Variants in CALD1 observed in about 807,000 individuals in gnomAD.
CALD1 encodes caldesmon.
Under a neutral mutation model 99.9 loss-of-function variants are expected in CALD1, and 33 were observed. The observed-to-expected ratio is 0.33, with a 90% CI of 0.25 to 0.44. The LOEUF is 0.44. Among genes scored for constraint, CALD1 ranks in the 20% least tolerant of loss-of-function variants. The probability of loss-of-function intolerance (pLI) is 1.00; values close to 1 mark genes in which losing one functional copy is unlikely to be tolerated. For synonymous variants in CALD1, 310 were observed against 325.0 expected, an observed-to-expected ratio of 0.95 and a Z score of 0.50; for missense variants, 861 against 962.1, an observed-to-expected ratio of 0.89 and a Z score of 1.39.
chr7:134,763,216 A>C (rs1796794311), intron 1 of CALD1, among the ~76,000 whole-genome samples: 1 of 152,254 alleles, frequency 6.6e-6, no homozygotes, highest in Admixed American at 6.5e-5. Context: ...ATTTAGAGAT[A>C]GTCTTTCTAA....
At chr7:134,923,637 C>T (rs1345453971) in intron 3 of CALD1, among the ~76,000 whole-genome samples, 2 of 152,110 alleles carry the variant, frequency 1.3e-5, no homozygotes, top group Admixed American at 6.5e-5. Flanking sequence ...TTAAATCTGG[C>T]GTGTGGAAAA....
chr7:134,938,319 C>T (rs1415871055), intron 6 of CALD1, among the ~76,000 whole-genome samples: 1 of 152,148 alleles, frequency 6.6e-6, no homozygotes, highest in Non-Finnish European at 1.5e-5. Flanking sequence ...TTCTTGCTTG[C>T]TTGACTTTCT....
intron 5 of CALD1, 143 bp downstream of exon 5, chr7:134,934,220 C>A: frequency 8.0e-7 from 1 of 1,252,988 alleles, no homozygotes; most frequent in Non-Finnish European, 1.1e-6. Context: ...CAGGCCATAG[C>A]GATACACAAG....
At chr7:134,937,171 T>A (rs1455384600) in intron 6 of CALD1, among the ~76,000 whole-genome samples, 1 of 152,206 alleles carries the variant, frequency 6.6e-6, no homozygotes, top group Non-Finnish European at 1.5e-5. Context: ...TAAAATTTCA[T>A]TCAGTTCACT....
chr7:134,917,260 G>A (rs1202275775), intron 3 of CALD1, among the ~76,000 whole-genome samples: 1 of 152,164 alleles, frequency 6.6e-6, no homozygotes, highest in African/African-American at 2.4e-5. Context: ...GATAATAGCA[G>A]TCAAAGAACA....
At chr7:134,935,997 G>T (rs1805941355) in intron 6 of CALD1, among the ~76,000 whole-genome samples, 1 of 152,354 alleles carries the variant, frequency 6.6e-6, no homozygotes, top group African/African-American at 2.4e-5. Flanking sequence ...AGAGGGCATT[G>T]TAGGTAGTAA....
chr7:134,779,727 G>A lies in CALD1; in HGVS notation c.-152G>A, dbSNP rs143191813. 859 of 398,512 alleles carry A rather than the reference G, an allele frequency of 2.2e-3. 7 individuals are homozygous for A. The highest frequency in any genetic ancestry group is 0.016 in the African/African-American group (779 of 48,690). 24.7% of individuals were successfully genotyped at this position (398,512 alleles called of 1,614,324 possible). A position where few individuals can be genotyped will look rare whatever the true frequency, so the allele number is the denominator to read the frequency against. ...GTCCTTCCTTTCCGACTTAGTCCTC[G>A]GGAAGAAGTTTCAGACTACAAGGTA... On this transcript the variant is annotated 5_prime_UTR_variant, in exon 1 of 15. Transcript: ENST00000361675.
intron 3 of CALD1, among the ~76,000 whole-genome samples, chr7:134,869,581 A>G (rs1800967710): frequency 6.6e-6 from 1 of 152,192 alleles, no homozygotes; most frequent in Admixed American, 6.5e-5. Context: ...CAAAGAATAT[A>G]CATCTGAGGA....
rs562316110 is a variant in CALD1 at position 134,819,031 on chromosome 7, G to C, written c.-129-24853G>C. On this transcript the variant is annotated intron_variant, in intron 1 of 14. Coordinates refer to ENST00000361675, the MANE Select transcript of CALD1 (RefSeq NM_033138.4). Reference sequence around the variant, plus strand: ...ACGCTAAACCAGATCCAAAATCCCAGACTAATTTCCTCTCCTCTTTCCTCT... The same window carrying C: ...ACGCTAAACCAGATCCAAAATCCCACACTAATTTCCTCTCCTCTTTCCTCT... 3.3e-5 allele frequency among the ~76,000 whole-genome samples: 5 copies of C among 152,154 alleles called. No homozygotes were observed. The South Asian group carries it at 6.2e-4, about 19-fold the overall frequency.
At chr7:134,955,222 T>G (rs940990318) in intron 9 of CALD1, among the ~76,000 whole-genome samples, 4 of 152,110 alleles carry the variant, frequency 2.6e-5, no homozygotes, top group African/African-American at 9.7e-5. Context: ...AAATCCCATC[T>G]CTACTGAAAA....
At chr7:134,918,119 A>G (rs1804350489) in intron 3 of CALD1, among the ~76,000 whole-genome samples, 1 of 152,240 alleles carries the variant, frequency 6.6e-6, no homozygotes, top group Admixed American at 6.5e-5. Flanking sequence ...TCATGGACTT[A>G]TCCTTCCAAA....
intron 9 of CALD1, among the ~76,000 whole-genome samples, chr7:134,957,826 AT>A (rs200354951): frequency 1.4e-3 from 206 of 144,690 alleles, no homozygotes; most frequent in East Asian, 5.0e-3. Context: ...TGAAAACTTG[AT>A]TTTTTTTTTT....
At chr7:134,823,870 CAAAG>C (rs1230609932) in intron 1 of CALD1, among the ~76,000 whole-genome samples, 1 of 152,090 alleles carries the variant, frequency 6.6e-6, no homozygotes, top group South Asian at 2.1e-4. Context: ...AGCCATCTGA[CAAAG>C]AAAGAAAAGT....
chr7:134,947,064 G>A (rs2133116324), intron 7 of CALD1, among the ~76,000 whole-genome samples: 1 of 152,238 alleles, frequency 6.6e-6, no homozygotes, highest in Non-Finnish European at 1.5e-5. Flanking sequence ...CTGCTATGAT[G>A]GACACTTGGG....
intron 11 of CALD1, among the ~76,000 whole-genome samples, chr7:134,958,595 G>A (rs1050922171): frequency 4.0e-5 from 6 of 151,346 alleles, no homozygotes; most frequent in Admixed American, 6.6e-5. Context: ...TAGTAGAGAC[G>A]GAGTTTCACC....
At chr7:134,916,158 A>G (rs1206197696) in intron 3 of CALD1, among the ~76,000 whole-genome samples, 1 of 152,194 alleles carries the variant, frequency 6.6e-6, no homozygotes, top group Non-Finnish European at 1.5e-5. Context: ...TGGGGGTATG[A>G]GCCAACTGGA....
chr7:134,831,283 A>G (rs112050052), intron 1 of CALD1, among the ~76,000 whole-genome samples: 2,158 of 152,240 alleles, frequency 0.014, 39 homozygotes, highest in African/African-American at 0.048. Context: ...TCAGGGTGGG[A>G]AGGATGAAAA....
intron 2 of CALD1, among the ~76,000 whole-genome samples, chr7:134,861,771 A>G (rs1299091386): frequency 3.3e-5 from 5 of 152,214 alleles, no homozygotes; most frequent in Non-Finnish European, 7.3e-5. Flanking sequence ...CAGTGGGTGC[A>G]AAATGATGGC....
intron 1 of CALD1, among the ~76,000 whole-genome samples, chr7:134,792,437 T>C (rs1797576302): frequency 6.6e-6 from 1 of 151,674 alleles, no homozygotes; most frequent in African/African-American, 2.4e-5. Context: ...TTACAGGTGC[T>C]CGCCACCATG....
Sources: gnomAD v4.1 joint callset for allele counts (sites outside exome capture counted in the v4.1 genomes callset) on GRCh38, gnomAD v4.1.1 for gene constraint, MANE v1.5 for transcripts, NCBI Gene and HGNC (gene_info 2026-07-23, HGNC 2026-07-21) for gene names.